Variants in ITGAE observed in about 807,000 individuals in gnomAD.
The protein encoded by ITGAE is integrin subunit alpha E.
Under a neutral mutation model 136.5 loss-of-function variants are expected in ITGAE, and 99 were observed. The ratio of observed to expected loss-of-function variants is 0.73; its 90% CI spans 0.62 to 0.86. The LOEUF is 0.86. ITGAE is among the 40% of genes least tolerant of loss of function. The pLI is 0.00. For missense variants in ITGAE, 1,447 were observed against 1,515.3 expected (o/e 0.95, Z 0.75); for synonymous variants, 613 against 591.8 (o/e 1.04, Z -0.52).
chr17:3,745,855 G>C lies in ITGAE; in HGVS notation c.2228C>G (p.Ser743Ter), dbSNP rs1441866749. ...VGKQRRRLQC[S>*]DVRSCLGCLR... ...GCAGCCCAGACAGCTTCTTACGTCTGAACACTGCAGCCGTCTCCTCTGCTT... is the reference window on the plus strand; with the variant it reads ...GCAGCCCAGACAGCTTCTTACGTCTCAACACTGCAGCCGTCTCCTCTGCTT... The change falls in exon 18 of 31, where the codon TCA (serine) becomes TGA (stop). Residue 743 changes from serine to a stop codon, truncating the protein, a stop_gained. Transcript: ENST00000263087. LOFTEE classifies it high-confidence loss of function. The C allele has an allele frequency of 6.2e-7, 1 of 1,614,060 alleles. No homozygotes were observed. Among genetic ancestry groups the C allele is most frequent in the Non-Finnish European group, 8.5e-7 (1 of 1,180,014 alleles).
chr17:3,759,368 T>A (rs375944743), intron 8 of ITGAE, 34 bp downstream of exon 8: 1 of 1,602,150 alleles, frequency 6.2e-7, no homozygotes, highest in African/African-American at 1.3e-5. Context: ...ACTCTGGGCA[T>A]GGCCAGAATA....
intron 17 of ITGAE, among the ~76,000 whole-genome samples, 152 bp downstream of exon 17, chr17:3,747,769 AG>A (rs1434795913): frequency 6.6e-6 from 1 of 152,098 alleles, no homozygotes; most frequent in Non-Finnish European, 1.5e-5. Flanking sequence ...CTGGAGACTA[AG>A]GAGCTAAGCT....
At chr17:3,748,728 C>G (rs2143018102) in intron 16 of ITGAE, among the ~76,000 whole-genome samples, 1 of 152,286 alleles carries the variant, frequency 6.6e-6, no homozygotes, top group East Asian at 1.9e-4. Flanking sequence ...TGGGGAAGAG[C>G]ACTCCAGGAA....
At chr17:3,742,788 A>T (rs2051617441) in intron 19 of ITGAE, among the ~76,000 whole-genome samples, 1 of 152,190 alleles carries the variant, frequency 6.6e-6, no homozygotes, top group Non-Finnish European at 1.5e-5. Flanking sequence ...AGTAGCTGGG[A>T]CTACAGGCCC....
intron 26 of ITGAE, 96 bp from the exon 27 acceptor site, chr17:3,723,840 AG>A (rs1240969230): frequency 5.9e-6 from 9 of 1,535,836 alleles, no homozygotes; most frequent in African/African-American, 5.5e-5. Context: ...GCGCATGCGC[AG>A]GGCCGGGAGC....
intron 2 of ITGAE, among the ~76,000 whole-genome samples, chr17:3,772,557 G>A (rs145621490): frequency 0.034 from 5,051 of 149,514 alleles, 296 homozygotes; most frequent in African/African-American, 0.12. Flanking sequence ...TCCGCCTCCC[G>A]CGTTCATGCC....
Position 3,731,198 on chromosome 17 carries a change from G to T in ITGAE, c.2755-15C>A. Reference sequence around the variant, plus strand: ...GAAACATGAGCCTATTTTAAAGGGGGAAAAATGGTCAGTTGATTCTCTCTA... The same window carrying T: ...GAAACATGAGCCTATTTTAAAGGGGTAAAAATGGTCAGTTGATTCTCTCTA... On this transcript the variant is annotated splice_polypyrimidine_tract_variant and intron_variant, in intron 22 of 30. Transcript: ENST00000263087. 1 of 1,608,212 alleles carries T rather than the reference G, an allele frequency of 6.2e-7. No individual in the cohort carries two copies. The highest frequency in any genetic ancestry group is 1.1e-5 in the South Asian group (1 of 90,940).
intron 2 of ITGAE, among the ~76,000 whole-genome samples, chr17:3,766,293 CCTT>C (rs1474560216): frequency 6.6e-6 from 1 of 152,082 alleles, no homozygotes; most frequent in Admixed American, 6.5e-5. Flanking sequence ...TCACAAAAGT[CCTT>C]CTAGGAGGGA....
At chr17:3,757,997 G>GC (rs1220510061) in intron 8 of ITGAE, 138 bp from the exon 9 acceptor site, 6 of 979,170 alleles carry the variant, frequency 6.1e-6, no homozygotes, top group Non-Finnish European at 6.0e-6. Flanking sequence ...AGGGGGTGAT[G>GC]CCCCCTTAAG....
chr17:3,719,826 C>T (rs796816432), intron 29 of ITGAE, among the ~76,000 whole-genome samples: 29 of 152,104 alleles, frequency 1.9e-4, no homozygotes, highest in African/African-American at 7.0e-4. Context: ...CTCCCAGATT[C>T]AAGCGATTCT....
In ITGAE at chr17:3,723,968, G is replaced by C. The variant is rs2051133630; in HGVS notation, c.3085-224C>G. On this transcript the variant is annotated intron_variant, in intron 26 of 30. Coordinates refer to ENST00000263087, the MANE Select transcript of ITGAE (RefSeq NM_002208.5). ...CTTCGCTCCCGGGACCTGGGAGCCG[G>C]CTTTTCCGCACATATGGGGCTGCGG... 3 of 1,574,462 alleles carry C rather than the reference G, an allele frequency of 1.9e-6. No homozygotes were observed. In the South Asian group the frequency reaches 3.4e-5, roughly 18 times the overall value.
chr17:3,715,082 C>G (rs1447255326), intron 30 of ITGAE, 140 bp from the exon 31 acceptor site: 2 of 614,818 alleles, frequency 3.3e-6, no homozygotes, highest in Admixed American at 2.8e-5. Flanking sequence ...CTAACTTACT[C>G]TGAATCTCTC....
intron 26 of ITGAE, chr17:3,724,379 G>C (rs2051154858): frequency 1.2e-6 from 2 of 1,608,304 alleles, no homozygotes. Flanking sequence ...GCCTCAGCCC[G>C]GACCTCAGCG....
chr17:3,715,237 A>T (rs1821139), intron 30 of ITGAE, among the ~76,000 whole-genome samples: 1 of 152,146 alleles, frequency 6.6e-6, no homozygotes, highest in South Asian at 2.1e-4. Flanking sequence ...TACTGGATCT[A>T]ATCTTATTTA....
chr17:3,729,574 G>T lies in ITGAE; in HGVS notation c.2835-19C>A, dbSNP rs2051295284. 3 of 1,455,868 alleles carry T rather than the reference G, an allele frequency of 2.1e-6. No individual in the cohort carries two copies. The highest frequency in any genetic ancestry group is 9.7e-7 in the Non-Finnish European group (1 of 1,035,476). 90.2% of individuals were successfully genotyped at this position (1,455,868 alleles called of 1,614,324 possible). ...ATTGGAACTAGGAATAAGAGTGTTA[G>T]TTCATAGCACACCTGCTTTGTACAT... On this transcript the variant is annotated intron_variant, in intron 23 of 30. Transcript: ENST00000263087.
At chr17:3,786,081 G>C (rs2052789770) in intron 1 of ITGAE, among the ~76,000 whole-genome samples, 2 of 150,966 alleles carry the variant, frequency 1.3e-5, no homozygotes, top group South Asian at 4.2e-4. Flanking sequence ...GCAGGAGAAT[G>C]GCGTGAACCC....
chr17:3,734,875 T>C lies in ITGAE; in HGVS notation c.2597A>G (p.Tyr866Cys). 1 of 1,614,212 alleles carries C rather than the reference T, an allele frequency of 6.2e-7. No individual in the cohort carries two copies. The highest frequency in any genetic ancestry group is 8.5e-7 in the Non-Finnish European group (1 of 1,180,026). The change falls in exon 21 of 31, where the codon TAC becomes TGC. Residue 866 changes from tyrosine to cysteine, a missense_variant. By Grantham distance (194) the Tyr-to-Cys change is radical. This residue lies in a region of ITGAE where 1,031 missense variants were observed against 1,011.4 expected (regional missense o/e 1.02). Transcript: ENST00000263087. ...GTAATTCAAGGCCATGCTTGTCATGTAGGAATCTTCCCCGGAGTTAGTTAG... is the reference window on the plus strand; with the variant it reads ...GTAATTCAAGGCCATGCTTGTCATGCAGGAATCTTCCCCGGAGTTAGTTAG... ...INLTNSGEDS[Y>C]MTSMALNYPR...
At chr17:3,742,033 C>T (rs1227113250) in intron 19 of ITGAE, among the ~76,000 whole-genome samples, 4 of 152,164 alleles carry the variant, frequency 2.6e-5, no homozygotes, top group African/African-American at 9.7e-5. Context: ...GCCGAGATCA[C>T]GCCATTGCAC....
chr17:3,771,816 C>T (rs1401335471), intron 2 of ITGAE, among the ~76,000 whole-genome samples: 3 of 152,180 alleles, frequency 2.0e-5, no homozygotes, highest in Non-Finnish European at 2.9e-5. Flanking sequence ...GGATGACAGG[C>T]GTGAGCCCCC....
Sources: gnomAD v4.1 joint callset for allele counts (sites outside exome capture counted in the v4.1 genomes callset) on GRCh38, gnomAD v4.1.1 for gene constraint, gnomAD v4.1.1 regional missense constraint, MANE v1.5 for transcripts, NCBI Gene and HGNC (gene_info 2026-07-23, HGNC 2026-07-21) for gene names.